LINGO2: variants seen among roughly 807,000 people sequenced by gnomAD.
LINGO2 encodes the protein leucine-rich repeat and immunoglobulin-like domain-containing nogo receptor-interacting protein 2.
In LINGO2, 14 loss-of-function variants were observed where a neutral mutation model predicts 30.6. The observed-to-expected ratio is 0.46, with a 90% CI of 0.30 to 0.72. The LOEUF is 0.72. Among genes scored for constraint, LINGO2 ranks in the 30% least tolerant of loss-of-function variants. The pLI, the probability that LINGO2 is intolerant of heterozygous loss-of-function variation, is 0.07. For synonymous variants in LINGO2, 317 were observed against 288.5 expected (o/e 1.10, Z -1.00); for missense variants, 729 against 751.7 (o/e 0.97, Z 0.35).
At chr9:29,088,093 A>G in the LINGO2 span, among the ~76,000 whole-genome samples, 135 of 152,236 alleles carry the variant, frequency 8.9e-4, no homozygotes, top group African/African-American at 3.2e-3. Context: ...TGCTGTGAGG[A>G]TTAGATGAGA....
At chr9:28,841,009 T>A in the LINGO2 span, among the ~76,000 whole-genome samples, 1 of 151,892 alleles carries the variant, frequency 6.6e-6, no homozygotes, top group Non-Finnish European at 1.5e-5. Flanking sequence ...CGAGTTTCAT[T>A]CTTGTTTTGT....
At chr9:28,911,388 G>A in the LINGO2 span, among the ~76,000 whole-genome samples, 112,484 of 151,656 alleles carry the variant, frequency 0.74, 41,841 homozygotes, top group Non-Finnish European at 0.78. Flanking sequence ...CTTGATATAT[G>A]TTTAGACATT....
intron 3 of LINGO2, among the ~76,000 whole-genome samples, chr9:28,355,287 C>G (rs1194121278): frequency 1.8e-5 from 2 of 108,320 alleles, no homozygotes; most frequent in African/African-American, 7.0e-5. Flanking sequence ...CTGTCTCTCT[C>G]TCTCTCTCTA....
In LINGO2 at chr9:28,245,531, GT is replaced by G. The variant is rs537134506; in HGVS notation, c.-87+49676del. 1.1e-4 allele frequency among the ~76,000 whole-genome samples: 17 copies of G among 152,228 alleles called. No individual in the cohort carries two copies. The East Asian group carries it at 3.1e-3, about 28-fold the overall frequency. On this transcript the variant is annotated intron_variant, in intron 4 of 5. Transcript: ENST00000379992. ...CAAACTGTCTCTGTTTGCAGATGAC[GT>G]GATCCTACACCTAGAGAACCCCATC...
the LINGO2 span, among the ~76,000 whole-genome samples, chr9:28,836,434 C>G: frequency 6.6e-6 from 1 of 152,056 alleles, no homozygotes; most frequent in Non-Finnish European, 1.5e-5. Context: ...CCTGTCTCAG[C>G]CTCCCAAGTA....
At chr9:28,709,846 A>G in the LINGO2 span, among the ~76,000 whole-genome samples, 1 of 152,000 alleles carries the variant, frequency 6.6e-6, no homozygotes, top group Non-Finnish European at 1.5e-5. Flanking sequence ...ATAAATGTCA[A>G]TTATTTAACT....
At chr9:28,259,790 A>G (rs1175099898) in intron 4 of LINGO2, among the ~76,000 whole-genome samples, 1 of 151,876 alleles carries the variant, frequency 6.6e-6, no homozygotes, top group East Asian at 1.9e-4. Flanking sequence ...AGAAAAGATT[A>G]TCTGAAGGTC....
At chr9:28,706,976 T>G in the LINGO2 span, among the ~76,000 whole-genome samples, 1 of 152,128 alleles carries the variant, frequency 6.6e-6, no homozygotes, top group Non-Finnish European at 1.5e-5. Context: ...GAAAGGAACC[T>G]TATTTAATCA....
chr9:28,014,228 G>A (rs1295434613), intron 4 of LINGO2, among the ~76,000 whole-genome samples: 1 of 152,088 alleles, frequency 6.6e-6, no homozygotes, highest in African/African-American at 2.4e-5. Context: ...AGCCTACTGA[G>A]CTGGAAGAAA....
intron 4 of LINGO2, among the ~76,000 whole-genome samples, chr9:28,204,577 C>G (rs1410460647): frequency 2.6e-5 from 4 of 152,048 alleles, no homozygotes; most frequent in Non-Finnish European, 5.9e-5. Context: ...CTTGTATGTG[C>G]CTGGTGTATG....
chr9:28,466,475 G>A (rs1825307059), intron 2 of LINGO2, among the ~76,000 whole-genome samples: 1 of 152,148 alleles, frequency 6.6e-6, no homozygotes, highest in African/African-American at 2.4e-5. Flanking sequence ...GGAAGAGGGG[G>A]AGGTGGTGAT....
At chr9:28,805,374 C>T in the LINGO2 span, among the ~76,000 whole-genome samples, 1 of 152,116 alleles carries the variant, frequency 6.6e-6, no homozygotes, top group African/African-American at 2.4e-5. Flanking sequence ...ATGCTATCTC[C>T]TGTTGGGCAG....
At chr9:28,743,254 A>G in the LINGO2 span, among the ~76,000 whole-genome samples, 1 of 152,022 alleles carries the variant, frequency 6.6e-6, no homozygotes, top group African/African-American at 2.4e-5. Flanking sequence ...TTACATAGGT[A>G]TACACGTGCC....
At chr9:28,023,791 G>C (rs545853826) in intron 4 of LINGO2, among the ~76,000 whole-genome samples, 9 of 152,190 alleles carry the variant, frequency 5.9e-5, no homozygotes, top group African/African-American at 2.2e-4. Context: ...ATGAGAACCT[G>C]GTGACTTTCC....
chr9:28,243,096 T>C (rs555210700), intron 4 of LINGO2, among the ~76,000 whole-genome samples: 1 of 152,230 alleles, frequency 6.6e-6, no homozygotes, highest in Non-Finnish European at 1.5e-5. Context: ...AGCATCATGA[T>C]AACAGAATCA....
the LINGO2 span, among the ~76,000 whole-genome samples, chr9:28,948,524 C>A: frequency 6.6e-6 from 1 of 152,044 alleles, no homozygotes; most frequent in Admixed American, 6.6e-5. Flanking sequence ...CTCGCTCTCA[C>A]ACACAGATAC....
At chr9:28,781,716 A>G in the LINGO2 span, among the ~76,000 whole-genome samples, 38 of 152,304 alleles carry the variant, frequency 2.5e-4, no homozygotes, top group African/African-American at 8.9e-4. Flanking sequence ...ATCTGCAAAC[A>G]AAAGTAGTCA....
chr9:28,598,347 T>G (rs7847463), intron 1 of LINGO2, among the ~76,000 whole-genome samples: 66,212 of 148,200 alleles, frequency 0.45, 15,460 homozygotes, highest in African/African-American at 0.59. Context: ...GAAAAATAAA[T>G]AGCTCAGATG....
the LINGO2 span, among the ~76,000 whole-genome samples, chr9:29,212,798 C>T: frequency 6.6e-6 from 1 of 152,182 alleles, no homozygotes; most frequent in Non-Finnish European, 1.5e-5. Context: ...CCAGGCGGGT[C>T]GTGCGATCGC....
Sources: gnomAD v4.1 joint callset for allele counts (sites outside exome capture counted in the v4.1 genomes callset) on GRCh38, gnomAD v4.1.1 for gene constraint, MANE v1.5 for transcripts, NCBI Gene and HGNC (gene_info 2026-07-23, HGNC 2026-07-21) for gene names.